The following EML5 variants were observed in gnomAD, a reference collection of about 807,000 sequenced individuals.
EML5 encodes EMAP like 5.
Under a neutral mutation model 250.0 loss-of-function variants are expected in EML5, and 120 were observed. That is an observed-to-expected ratio of 0.48 (90% CI 0.41 to 0.56). The LOEUF (loss-of-function observed/expected upper bound fraction) is 0.56, where lower values mean the gene tolerates loss of function less well. Ranked by LOEUF, EML5 falls within the 20% of genes least tolerant of loss-of-function variation. EML5 has a pLI of 0.00. For synonymous variants in EML5, 771 were observed against 806.5 expected (o/e 0.96, Z 0.75); for missense variants, 2,006 against 2,437.6 (o/e 0.82, Z 3.73).
At chr14:88,685,170 T>C (rs1193402578) in intron 19 of EML5, 28 bp from the exon 20 acceptor site, 3 of 1,579,028 alleles carry the variant, frequency 1.9e-6, no homozygotes, top group Non-Finnish European at 2.6e-6. Flanking sequence ...GATGTTCTTT[T>C]AGACATACAG....
In EML5 at chr14:88,615,363, T is replaced by A. The variant is rs2087431452; in HGVS notation, c.*455A>T. Reference sequence around the variant, plus strand: ...CCTTTAGGATGATCATGACTTTCCCTTTCCTTATGGAAATGCAAGAATAAA... The same window carrying A: ...CCTTTAGGATGATCATGACTTTCCCATTCCTTATGGAAATGCAAGAATAAA... On this transcript the variant is annotated 3_prime_UTR_variant, in exon 44 of 44. Transcript: ENST00000554922. 1 of 153,100 alleles carries A rather than the reference T, an allele frequency of 6.5e-6. No homozygotes were observed. The highest frequency in any genetic ancestry group is 1.5e-5 in the Non-Finnish European group (1 of 68,676). 9.5% of individuals were successfully genotyped at this position (153,100 alleles called of 1,614,324 possible).
chr14:88,696,311 T>G (rs1274204030), intron 15 of EML5, among the ~76,000 whole-genome samples: 4 of 152,124 alleles, frequency 2.6e-5, no homozygotes, highest in African/African-American at 9.7e-5. Flanking sequence ...ATTCACACCC[T>G]AGCTTTCACC....
intron 25 of EML5, among the ~76,000 whole-genome samples, chr14:88,660,103 C>G (rs2092025628): frequency 6.6e-6 from 1 of 151,644 alleles, no homozygotes; most frequent in Non-Finnish European, 1.5e-5. Context: ...TCTGGAGACC[C>G]CATCTCTACA....
chr14:88,679,564 C>T (rs573672661), intron 21 of EML5, among the ~76,000 whole-genome samples: 19 of 152,130 alleles, frequency 1.2e-4, no homozygotes, highest in African/African-American at 4.1e-4. Context: ...TGGTGGCGCA[C>T]GCCTGTAGTC....
chr14:88,703,866 TAC>T (rs2093265637), intron 13 of EML5, among the ~76,000 whole-genome samples: 1 of 152,228 alleles, frequency 6.6e-6, no homozygotes, highest in Non-Finnish European at 1.5e-5. Flanking sequence ...GATTATCTCT[TAC>T]ATTTTACTTA....
intron 35 of EML5, chr14:88,625,574 G>A (rs980940609): frequency 3.2e-5 from 5 of 156,474 alleles, no homozygotes; most frequent in Non-Finnish European, 7.0e-5. Context: ...GCTAATTTTT[G>A]TATTTTTAGT....
Position 88,704,900 on chromosome 14 carries a change from G to A in EML5, c.2011C>T (p.Arg671Trp), listed in dbSNP as rs564761258. The A allele has an allele frequency of 7.2e-5, 116 of 1,612,956 alleles. 1 individual carries two copies. Among genetic ancestry groups the A allele is most frequent in the East Asian group, 1.8e-4 (8 of 44,790 alleles). Reference sequence around the variant, plus strand: ...AATCGAATACTATTTCCTGGAGCCCGCTCTCTTCTTTTAGAAGTAGCACTT... The same window carrying A: ...AATCGAATACTATTTCCTGGAGCCCACTCTCTTCTTTTAGAAGTAGCACTT... ...QKSATSKRRE[R>W]APGNSIRLHF... The change falls in exon 13 of 44, where the codon CGG (arginine) becomes TGG (tryptophan). Residue 671 changes from arginine (R) to tryptophan (W), a missense_variant. Physicochemically the swap from Arg to Trp is moderately radical, Grantham distance 101. This residue lies in a region of EML5 where 1,375 missense variants were observed against 1,590.3 expected (regional missense o/e 0.86). Coordinates refer to ENST00000554922, the MANE Select transcript of EML5 (RefSeq NM_183387.3).
chr14:88,696,241 C>T (rs929050489), intron 15 of EML5, among the ~76,000 whole-genome samples: 2 of 151,804 alleles, frequency 1.3e-5, no homozygotes, highest in Non-Finnish European at 2.9e-5. Flanking sequence ...GCAGCAAAAG[C>T]ATTAATTCAC....
At chr14:88,721,870 T>C (rs897336190) in intron 8 of EML5, among the ~76,000 whole-genome samples, 1 of 152,182 alleles carries the variant, frequency 6.6e-6, no homozygotes, top group Non-Finnish European at 1.5e-5. Context: ...TCTATCCATC[T>C]GACAAAGGTC....
chr14:88,628,425 G>A (rs1487695082), intron 33 of EML5, among the ~76,000 whole-genome samples: 3 of 151,808 alleles, frequency 2.0e-5, no homozygotes, highest in African/African-American at 7.3e-5. Flanking sequence ...AAAAAAATGT[G>A]GTTATTATTA....
intron 24 of EML5, 79 bp downstream of exon 24, chr14:88,662,951 TA>T: frequency 9.8e-7 from 1 of 1,025,542 alleles, no homozygotes; most frequent in Non-Finnish European, 1.4e-6. Flanking sequence ...CACGTGTAAC[TA>T]AACGATAGAA....
At chr14:88,630,516 A>T (rs912281629) in intron 33 of EML5, among the ~76,000 whole-genome samples, 1 of 152,138 alleles carries the variant, frequency 6.6e-6, no homozygotes, top group African/African-American at 2.4e-5. Flanking sequence ...TAAGTGATTC[A>T]GGGGAAACAA....
chr14:88,740,301 C>A, intron 5 of EML5, 86 bp downstream of exon 5: 1 of 1,123,878 alleles, frequency 8.9e-7, no homozygotes, highest in Non-Finnish European at 1.2e-6. Flanking sequence ...TGACTAGAAA[C>A]AATATACTAT....
intron 1 of EML5, among the ~76,000 whole-genome samples, chr14:88,762,550 C>T (rs1272930941): frequency 2.6e-5 from 4 of 151,994 alleles, no homozygotes; most frequent in Non-Finnish European, 4.4e-5. Context: ...ATTTAGACTC[C>T]CACACAGTAA....
At position 88,716,797 on chromosome 14, in the gene EML5, C is replaced by CTGAT. The variant is rs369239475; in HGVS notation, c.1188-1606_1188-1603dup. ...GGTAACAGAGAGAGATTGTGGTTGA[C>CTGAT]TGATTGGTATTTTAGTATAATATCG... On this transcript the variant is annotated intron_variant, in intron 8 of 43. Transcript: ENST00000554922. Among the ~76,000 whole-genome samples the CTGAT allele has an allele frequency of 9.2e-4, 139 of 151,842 alleles. 2 individuals carry two copies. The East Asian group carries it at 0.024, about 26-fold the overall frequency.
intron 7 of EML5, among the ~76,000 whole-genome samples, chr14:88,736,092 C>T (rs1462472782): frequency 1.3e-5 from 2 of 150,994 alleles, no homozygotes; most frequent in African/African-American, 4.9e-5. Context: ...CCTTCGCCTC[C>T]TGGGTTCAAG....
intron 2 of EML5, 116 bp from the exon 3 acceptor site, chr14:88,746,399 T>C (rs1443923344): frequency 1.3e-6 from 1 of 773,938 alleles, no homozygotes; most frequent in African/African-American, 1.8e-5. Context: ...ATAAAACATA[T>C]ATGCCTATAT....
At chr14:88,740,194 A>G (rs1808556008) in intron 5 of EML5, among the ~76,000 whole-genome samples, 193 bp downstream of exon 5, 3 of 152,204 alleles carry the variant, frequency 2.0e-5, no homozygotes, top group East Asian at 3.8e-4. Flanking sequence ...TAATTATACT[A>G]ATGTAATAAA....
intron 1 of EML5, among the ~76,000 whole-genome samples, chr14:88,773,051 G>A (rs927624106): frequency 2.0e-5 from 3 of 152,064 alleles, no homozygotes; most frequent in African/African-American, 4.8e-5. Flanking sequence ...TTACTCCTTC[G>A]GAGGTATCTG....
Sources: allele counts gnomAD v4.1 joint callset (sites outside exome capture counted in the v4.1 genomes callset), GRCh38; gene constraint gnomAD v4.1.1; regional missense constraint gnomAD v4.1.1; transcripts MANE v1.5; gene names NCBI Gene and HGNC (gene_info 2026-07-23, HGNC 2026-07-21).